The following ULK4 variants were observed in gnomAD, a reference collection of about 807,000 sequenced individuals.
ULK4 encodes unc-51 like kinase 4.
ULK4 carries 133 observed loss-of-function variants against 160.6 expected under a neutral mutation model. The ratio of observed to expected loss-of-function variants is 0.83; its 90% CI spans 0.72 to 0.96. ULK4 has a LOEUF of 0.96. Among genes scored for constraint, ULK4 ranks in the 40% least tolerant of loss-of-function variants. The pLI is 0.00. For missense variants in ULK4, 1,580 were observed against 1,499.5 expected, an observed-to-expected ratio of 1.05 and a Z score of -0.89; for synonymous variants, 534 against 539.8, an observed-to-expected ratio of 0.99 and a Z score of 0.15.
chr3:41,265,125 C>T (rs2079007622), intron 35 of ULK4, among the ~76,000 whole-genome samples: 2 of 152,228 alleles, frequency 1.3e-5, no homozygotes, highest in Non-Finnish European at 2.9e-5. Context: ...TGGGCCAGCA[C>T]TGCAGAATCC....
At chr3:41,375,531 A>G (rs555947413) in intron 35 of ULK4, among the ~76,000 whole-genome samples, 1 of 150,424 alleles carries the variant, frequency 6.6e-6, no homozygotes, top group Admixed American at 6.6e-5. Context: ...CAATGGGCAA[A>G]CGATTCCCTA....
chr3:41,415,008 G>GA (rs369223739), intron 34 of ULK4, among the ~76,000 whole-genome samples: 2 of 152,270 alleles, frequency 1.3e-5, no homozygotes, highest in African/African-American at 4.8e-5. Flanking sequence ...AAAACAAGTT[G>GA]AAAATCACAG....
chr3:41,580,439 G>C (rs1396522581), intron 31 of ULK4, among the ~76,000 whole-genome samples: 2 of 150,982 alleles, frequency 1.3e-5, no homozygotes, highest in East Asian at 1.9e-4. Context: ...ATTGAAATTT[G>C]GATAGTTTCA....
At chr3:41,680,474 A>T (rs1195436635) in intron 29 of ULK4, among the ~76,000 whole-genome samples, 2 of 152,126 alleles carry the variant, frequency 1.3e-5, no homozygotes, top group African/African-American at 4.8e-5. Context: ...CACACTTAGT[A>T]AAAGGTACCT....
intron 18 of ULK4, among the ~76,000 whole-genome samples, 188 bp downstream of exon 18, chr3:41,835,676 A>T (rs886970446): frequency 1.6e-4 from 25 of 152,208 alleles, no homozygotes; most frequent in Admixed American, 4.6e-4. Context: ...AAGGAGGGAG[A>T]CAGGGTAAGA....
intron 19 of ULK4, among the ~76,000 whole-genome samples, chr3:41,816,327 T>C (rs2040963878): frequency 6.6e-6 from 1 of 152,154 alleles, no homozygotes; most frequent in Non-Finnish European, 1.5e-5. Context: ...TATTACAGCT[T>C]TCTTTTCTTT....
At chr3:41,566,834 T>C (rs1250763887) in intron 31 of ULK4, among the ~76,000 whole-genome samples, 1 of 152,218 alleles carries the variant, frequency 6.6e-6, no homozygotes, top group Admixed American at 6.5e-5. Context: ...TTAACACAGA[T>C]TATAATTGAA....
intron 32 of ULK4, among the ~76,000 whole-genome samples, chr3:41,495,388 A>G (rs1446586351): frequency 6.6e-6 from 1 of 152,210 alleles, no homozygotes; most frequent in Admixed American, 6.5e-5. Flanking sequence ...TAGAAAGCTG[A>G]AACTGGATCC....
chr3:41,614,190 C>G (rs1189368219), intron 31 of ULK4, among the ~76,000 whole-genome samples: 2 of 152,198 alleles, frequency 1.3e-5, no homozygotes, highest in African/African-American at 4.8e-5. Context: ...TTATATTCAT[C>G]TAACGGGTTA....
chr3:41,333,057 A>T (rs1488988784), intron 35 of ULK4, among the ~76,000 whole-genome samples: 1 of 151,958 alleles, frequency 6.6e-6, no homozygotes, highest in Non-Finnish European at 1.5e-5. Flanking sequence ...ATTTATGCAA[A>T]GCCATGATAA....
intron 35 of ULK4, among the ~76,000 whole-genome samples, chr3:41,342,265 C>T (rs1156337990): frequency 2.0e-5 from 3 of 152,126 alleles, no homozygotes; most frequent in Non-Finnish European, 4.4e-5. Context: ...TCACAGTTTC[C>T]GGAGAGAGAT....
At chr3:41,921,843 A>T (rs944029799) in intron 5 of ULK4, among the ~76,000 whole-genome samples, 7 of 152,220 alleles carry the variant, frequency 4.6e-5, no homozygotes, top group South Asian at 2.1e-4. Context: ...CAAAGAAGTA[A>T]GGAAGTCTTT....
At chr3:41,526,879 A>G (rs1188239825) in intron 32 of ULK4, among the ~76,000 whole-genome samples, 2 of 150,896 alleles carry the variant, frequency 1.3e-5, no homozygotes, top group Non-Finnish European at 2.9e-5. Flanking sequence ...TGAGAGTAAA[A>G]TAAAAGTGAC....
At chr3:41,267,748 G>C (rs1194372573) in intron 35 of ULK4, among the ~76,000 whole-genome samples, 2 of 152,152 alleles carry the variant, frequency 1.3e-5, no homozygotes, top group Non-Finnish European at 2.9e-5. Flanking sequence ...GTCCACACCA[G>C]ATCAATGAGT....
intron 12 of ULK4, among the ~76,000 whole-genome samples, 179 bp from the exon 13 acceptor site, chr3:41,901,008 G>C (rs1559638353): frequency 1.3e-5 from 2 of 152,016 alleles, no homozygotes; most frequent in African/African-American, 4.8e-5. Flanking sequence ...CTAAACTGTA[G>C]GCACCATCAT....
intron 27 of ULK4, among the ~76,000 whole-genome samples, chr3:41,699,473 C>T (rs1391615469): frequency 6.6e-6 from 1 of 152,198 alleles, no homozygotes; most frequent in Non-Finnish European, 1.5e-5. Context: ...TTCCCCTTTG[C>T]TATTAATAAT....
intron 31 of ULK4, among the ~76,000 whole-genome samples, chr3:41,580,284 G>A (rs1193293293): frequency 6.6e-6 from 1 of 151,866 alleles, no homozygotes; most frequent in Non-Finnish European, 1.5e-5. Flanking sequence ...ACATCATTCT[G>A]CACCATTCTG....
intron 27 of ULK4, among the ~76,000 whole-genome samples, chr3:41,689,948 C>T (rs2036230930): frequency 1.3e-5 from 2 of 148,502 alleles, no homozygotes; most frequent in African/African-American, 2.6e-5. Flanking sequence ...TGGGTATATA[C>T]CCAAAGGATT....
At position 41,858,148 on chromosome 3, in the gene ULK4, T is replaced by G. The variant is rs548685461; in HGVS notation, c.1657-22177A>C. On this transcript the variant is annotated intron_variant, in intron 17 of 36. Transcript: ENST00000301831. ...TATCCCATAGGGTTTTTTTTGTTTG[T>G]TTTTTTTTTTTTTTTTTTTTTTGGC... Among the ~76,000 whole-genome samples, 51 of 30,586 alleles carry G rather than the reference T, an allele frequency of 1.7e-3. 1 individual carries two copies. Among genetic ancestry groups the G allele is most frequent in the African/African-American group, 9.3e-3 (26 of 2,804 alleles). The allele number at this position is 30,586 out of a possible 152,430, so 20.1% of individuals were successfully genotyped here. A position where few individuals can be genotyped will look rare whatever the true frequency, so the allele number is the denominator to read the frequency against.
Sources: allele counts gnomAD v4.1 joint callset (sites outside exome capture counted in the v4.1 genomes callset), GRCh38; gene constraint gnomAD v4.1.1; transcripts MANE v1.5; gene names NCBI Gene and HGNC (gene_info 2026-07-23, HGNC 2026-07-21).